The following CA10 variants were observed in gnomAD, a reference collection of about 807,000 sequenced individuals.
CA10 encodes carbonic anhydrase 10 (inactive).
Under a neutral mutation model 44.2 loss-of-function variants are expected in CA10, and 14 were observed. The ratio of observed to expected loss-of-function variants is 0.32; its 90% CI spans 0.21 to 0.50. The LOEUF (loss-of-function observed/expected upper bound fraction) is 0.50, where lower values mean the gene tolerates loss of function less well. Among genes scored for constraint, CA10 ranks in the 20% least tolerant of loss-of-function variants. The pLI is 0.99. For synonymous variants in CA10, 159 were observed against 141.6 expected, an observed-to-expected ratio of 1.12 and a Z score of -0.87; for missense variants, 350 against 409.7, an observed-to-expected ratio of 0.85 and a Z score of 1.26.
intron 4 of CA10, among the ~76,000 whole-genome samples, chr17:51,677,908 A>C (rs1914690111): frequency 6.7e-6 from 1 of 149,394 alleles, no homozygotes; most frequent in Admixed American, 6.6e-5. Context: ...CCGGCTGCCA[A>C]TTGAAAATAG....
At chr17:52,008,730 A>T (rs1985686294) in intron 2 of CA10, among the ~76,000 whole-genome samples, 1 of 151,836 alleles carries the variant, frequency 6.6e-6, no homozygotes, top group African/African-American at 2.4e-5. Context: ...GAACTTGCTC[A>T]ATTAAAAAAA....
Position 52,110,959 on chromosome 17 carries a change from A to C in CA10, c.62-38566T>G, listed in dbSNP as rs189670089. On this transcript the variant is annotated intron_variant, in intron 1 of 8. Transcript: ENST00000451037. The stretch of plus-strand genomic sequence containing the variant: ...CAGAAACACCCACTACACTATTATT[A>C]TATTTGTATCATTCTATGTCCAAAT... 1.6e-3 allele frequency among the ~76,000 whole-genome samples: 242 copies of C among 152,342 alleles called. 1 individual carries two copies. Among genetic ancestry groups the C allele is most frequent in the Non-Finnish European group, 3.0e-3 (201 of 68,036 alleles).
chr17:51,985,811 C>G (rs1984813136), intron 2 of CA10, among the ~76,000 whole-genome samples: 1 of 151,798 alleles, frequency 6.6e-6, no homozygotes, highest in Non-Finnish European at 1.5e-5. Flanking sequence ...AGGTGAAAGA[C>G]CTCTACAAGG....
intron 4 of CA10, chr17:51,661,907 C>T (rs977101416): frequency 6.6e-6 from 1 of 152,198 alleles, no homozygotes; most frequent in African/African-American, 2.4e-5. Context: ...CCTGTCACAA[C>T]TACTCAATTC....
intron 3 of CA10, among the ~76,000 whole-genome samples, chr17:51,876,131 T>G (rs988870021): frequency 6.6e-6 from 1 of 151,224 alleles, no homozygotes; most frequent in South Asian, 2.1e-4. Context: ...GTAGGTTTTA[T>G]GTGAAGATAA....
At chr17:52,016,607 A>C (rs1424215353) in intron 2 of CA10, among the ~76,000 whole-genome samples, 1 of 151,998 alleles carries the variant, frequency 6.6e-6, no homozygotes, top group Non-Finnish European at 1.5e-5. Flanking sequence ...TGCATGTGAG[A>C]CCTGACTGTT....
intron 4 of CA10, among the ~76,000 whole-genome samples, chr17:51,670,310 G>C (rs1008939562): frequency 1.3e-5 from 2 of 152,148 alleles, no homozygotes; most frequent in Non-Finnish European, 2.9e-5. Context: ...TACAACAGGT[G>C]TACAGGCAGG....
At chr17:51,671,550 G>A (rs1382011163) in intron 4 of CA10, among the ~76,000 whole-genome samples, 1 of 152,186 alleles carries the variant, frequency 6.6e-6, no homozygotes, top group South Asian at 2.1e-4. Context: ...GACTATAGGT[G>A]CCCGCCACCA....
intron 1 of CA10, among the ~76,000 whole-genome samples, chr17:52,125,788 T>C (rs1989105792): frequency 6.6e-6 from 1 of 152,186 alleles, no homozygotes; most frequent in South Asian, 2.1e-4. Flanking sequence ...TCAGGTTCCA[T>C]TCTTCACAGA....
intron 4 of CA10, among the ~76,000 whole-genome samples, chr17:51,660,250 C>A (rs371626605): frequency 1.1e-4 from 17 of 152,156 alleles, no homozygotes; most frequent in African/African-American, 4.1e-4. Context: ...GGTAGGGGGT[C>A]TTGATTCCAT....
chr17:52,149,362 C>T (rs374278935), intron 1 of CA10, among the ~76,000 whole-genome samples: 38 of 152,204 alleles, frequency 2.5e-4, no homozygotes, highest in African/African-American at 8.7e-4. Context: ...TATGCTGTGT[C>T]CTTCATAACC....
At chr17:51,756,470 TTG>T (rs1905082735) in intron 3 of CA10, among the ~76,000 whole-genome samples, 1 of 96,540 alleles carries the variant, frequency 1.0e-5, no homozygotes, top group Non-Finnish European at 2.1e-5. Context: ...AATGAGGTAG[TTG>T]TTTTTTTTTT....
At chr17:51,731,507 T>C (rs1216677707) in intron 4 of CA10, among the ~76,000 whole-genome samples, 1 of 152,094 alleles carries the variant, frequency 6.6e-6, no homozygotes, top group Non-Finnish European at 1.5e-5. Context: ...GACAATTATG[T>C]TAGAAAACTT....
chr17:51,794,459 A>G lies in CA10; in HGVS notation c.280-46641T>C, dbSNP rs754633198. 4.6e-5 allele frequency among the ~76,000 whole-genome samples: 7 copies of G among 152,216 alleles called. No individual in the cohort carries two copies. In the South Asian group the frequency reaches 6.2e-4, roughly 14 times the overall value. ...GGGTTGGCAGGTGTCACCCCACTAT[A>G]TTGTATTAATTTTAATTTCTCTGTA... On this transcript the variant is annotated intron_variant, in intron 3 of 8. Coordinates refer to ENST00000451037, the MANE Select transcript of CA10 (RefSeq NM_020178.5).
intron 2 of CA10, among the ~76,000 whole-genome samples, chr17:52,064,177 C>CA (rs1337026255): frequency 2.0e-5 from 3 of 152,266 alleles, no homozygotes; most frequent in Admixed American, 2.0e-4. Flanking sequence ...ACAAGGGTCT[C>CA]AGCCCTACAA....
intron 1 of CA10, among the ~76,000 whole-genome samples, chr17:52,091,218 A>G (rs2143210831): frequency 6.6e-6 from 1 of 152,306 alleles, no homozygotes; most frequent in East Asian, 1.9e-4. Context: ...AAGTGTTATG[A>G]TGATGAAGTG....
At chr17:51,792,120 G>A (rs944524952) in intron 3 of CA10, among the ~76,000 whole-genome samples, 9 of 152,142 alleles carry the variant, frequency 5.9e-5, no homozygotes, top group African/African-American at 2.2e-4. Context: ...ATGCTTTATA[G>A]CTATCACAGG....
At chr17:51,977,771 C>T (rs1173772537) in intron 2 of CA10, among the ~76,000 whole-genome samples, 1 of 152,024 alleles carries the variant, frequency 6.6e-6, no homozygotes, top group Non-Finnish European at 1.5e-5. Flanking sequence ...TGATTGTGAA[C>T]ACATACAGTT....
At chr17:51,947,363 T>G (rs928422601) in intron 2 of CA10, among the ~76,000 whole-genome samples, 1 of 152,012 alleles carries the variant, frequency 6.6e-6, no homozygotes, top group African/African-American at 2.4e-5. Flanking sequence ...CGACAAAGGT[T>G]CACATACCTG....
Sources: allele counts gnomAD v4.1 joint callset (sites outside exome capture counted in the v4.1 genomes callset), GRCh38; gene constraint gnomAD v4.1.1; transcripts MANE v1.5; gene names NCBI Gene and HGNC (gene_info 2026-07-23, HGNC 2026-07-21).